Variants in ADGRL2 observed in about 807,000 individuals in gnomAD.
ADGRL2 encodes adhesion G protein-coupled receptor L2, also known as calcium-independent alpha-latrotoxin receptor 2.
Under a neutral mutation model 157.4 loss-of-function variants are expected in ADGRL2, and 44 were observed. The ratio of observed to expected loss-of-function variants is 0.28; its 90% confidence interval spans 0.22 to 0.36. The LOEUF (loss-of-function observed/expected upper bound fraction) is 0.36. Among genes scored for constraint, ADGRL2 ranks in the 10% least tolerant of loss-of-function variants. The pLI is 1.00. For missense variants in ADGRL2, 1,510 were observed against 1,768.9 expected, an observed-to-expected ratio of 0.85 and a Z score of 2.63; for synonymous variants, 585 against 624.7, an observed-to-expected ratio of 0.94 and a Z score of 0.95.
chr1:81,636,051 C>T (rs1368176162), intron 3 of ADGRL2, among the ~76,000 whole-genome samples: 1 of 152,166 alleles, frequency 6.6e-6, no homozygotes, highest in Non-Finnish European at 1.5e-5. Flanking sequence ...CTTCCTTGCT[C>T]AGCCCCTAAA....
At chr1:81,417,437 T>G (rs1033539719) in intron 1 of ADGRL2, among the ~76,000 whole-genome samples, 4 of 152,190 alleles carry the variant, frequency 2.6e-5, no homozygotes, top group Non-Finnish European at 4.4e-5. Flanking sequence ...TTTTATTAGA[T>G]CACAATGAGT....
intron 1 of ADGRL2, among the ~76,000 whole-genome samples, chr1:81,308,933 C>A (rs1659537900): frequency 6.6e-6 from 1 of 152,168 alleles, no homozygotes; most frequent in Non-Finnish European, 1.5e-5. Flanking sequence ...TGCCTTGCAG[C>A]AGAATCTATA....
chr1:81,333,418 T>A (rs187965975), intron 1 of ADGRL2, among the ~76,000 whole-genome samples: 1,577 of 147,764 alleles, frequency 0.011, 15 homozygotes, highest in Admixed American at 0.019. Context: ...TTAATTTATT[T>A]ATTTATTTAT....
intron 3 of ADGRL2, among the ~76,000 whole-genome samples, chr1:81,935,537 T>C (rs2095298291): frequency 6.6e-6 from 1 of 151,944 alleles, no homozygotes; most frequent in Non-Finnish European, 1.5e-5. Context: ...CACCTTCTAC[T>C]GCCCTTTAGT....
At chr1:81,554,718 C>T (rs921783727) in intron 2 of ADGRL2, among the ~76,000 whole-genome samples, 2 of 151,972 alleles carry the variant, frequency 1.3e-5, no homozygotes, top group African/African-American at 4.8e-5. Flanking sequence ...GGTTAACAGC[C>T]TTGAGGTCAT....
At chr1:81,593,813 C>T (rs1179300915) in intron 3 of ADGRL2, among the ~76,000 whole-genome samples, 3 of 152,132 alleles carry the variant, frequency 2.0e-5, no homozygotes, top group Non-Finnish European at 4.4e-5. Context: ...AAAAGAGTAT[C>T]TCTATCCACA....
intron 3 of ADGRL2, among the ~76,000 whole-genome samples, chr1:81,664,919 A>G (rs368745597): frequency 6.6e-6 from 1 of 152,008 alleles, no homozygotes; most frequent in East Asian, 1.9e-4. Context: ...ATATTTATTG[A>G]GTTACTATGC....
intron 2 of ADGRL2, among the ~76,000 whole-genome samples, chr1:81,485,250 T>C (rs2147909309): frequency 6.6e-6 from 1 of 151,350 alleles, no homozygotes; most frequent in East Asian, 1.9e-4. Flanking sequence ...ATAAAAATCA[T>C]TAGGGAATTT....
chr1:81,448,570 C>T (rs1187578475), intron 2 of ADGRL2, among the ~76,000 whole-genome samples: 1 of 152,024 alleles, frequency 6.6e-6, no homozygotes, highest in African/African-American at 2.4e-5. Context: ...GGTGTGGTGG[C>T]CTACCCCTAT....
At chr1:81,657,473 C>T (rs2082560485) in intron 3 of ADGRL2, among the ~76,000 whole-genome samples, 1 of 152,006 alleles carries the variant, frequency 6.6e-6, no homozygotes, top group South Asian at 2.1e-4. Flanking sequence ...TTATAGCAGC[C>T]CAAACAAACT....
At chr1:81,800,675 G>A (rs1571275314), upstream of ADGRL2, among the ~76,000 whole-genome samples, 1 of 152,050 alleles carries the variant, frequency 6.6e-6, no homozygotes, top group South Asian at 2.1e-4. Context: ...ACCCACTCCA[G>A]AAATAAAATA....
At chr1:81,584,165 A>G (rs1046338834) in intron 3 of ADGRL2, among the ~76,000 whole-genome samples, 1 of 152,164 alleles carries the variant, frequency 6.6e-6, no homozygotes, top group Admixed American at 6.6e-5. Context: ...AACAGGGCCT[A>G]ATAAACTAAC....
At chr1:81,669,525 T>A (rs1049865356) in intron 3 of ADGRL2, among the ~76,000 whole-genome samples, 11 of 152,202 alleles carry the variant, frequency 7.2e-5, no homozygotes, top group Non-Finnish European at 4.4e-5. Flanking sequence ...ACAGATATGG[T>A]CCTTGTCCTC....
chr1:81,944,761 C>T (rs1239215162), intron 6 of ADGRL2, among the ~76,000 whole-genome samples: 4 of 151,906 alleles, frequency 2.6e-5, no homozygotes, highest in African/African-American at 9.7e-5. Context: ...GGGGCAGAGA[C>T]TAATATATTT....
At chr1:81,403,641 A>C (rs2101306067) in intron 1 of ADGRL2, among the ~76,000 whole-genome samples, 1 of 152,222 alleles carries the variant, frequency 6.6e-6, no homozygotes, top group South Asian at 2.1e-4. Flanking sequence ...TAATTCAATA[A>C]GTAGGTAATC....
chr1:81,506,937 G>T (rs543821544), intron 2 of ADGRL2, among the ~76,000 whole-genome samples: 1 of 152,280 alleles, frequency 6.6e-6, no homozygotes, highest in African/African-American at 2.4e-5. Flanking sequence ...GCCAGTCACT[G>T]TTCTAGGTCC....
chr1:81,337,117 C>G (rs1384054158), intron 1 of ADGRL2, among the ~76,000 whole-genome samples: 1 of 152,194 alleles, frequency 6.6e-6, no homozygotes, highest in Non-Finnish European at 1.5e-5. Context: ...CCCACTCCAT[C>G]CCCTTTCCAG....
intron 1 of ADGRL2, among the ~76,000 whole-genome samples, chr1:81,436,888 CT>C (rs142809490): frequency 0.011 from 1,668 of 152,344 alleles, 38 homozygotes; most frequent in African/African-American, 0.038. Flanking sequence ...TACAGAAGTG[CT>C]GACAAAAGTG....
At chr1:81,488,536 CAA>C (rs35800238) in intron 2 of ADGRL2, among the ~76,000 whole-genome samples, 6,553 of 138,630 alleles carry the variant, frequency 0.047, 185 homozygotes, top group Middle Eastern at 0.084. Flanking sequence ...CCTGTCTCTA[CAA>C]AAAAAAAAAA....
Sources: allele counts gnomAD v4.1 joint callset (sites outside exome capture counted in the v4.1 genomes callset), GRCh38; gene constraint gnomAD v4.1.1; transcripts MANE v1.5; gene names NCBI Gene and HGNC (gene_info 2026-07-23, HGNC 2026-07-21).